ADARB2: variants seen among roughly 807,000 people sequenced by gnomAD.
ADARB2 encodes adenosine deaminase RNA specific B2 (inactive), also known as inactive double-stranded RNA-specific editase B2.
A neutral mutation model predicts 62.2 loss-of-function variants in ADARB2; 25 were observed. That is an observed-to-expected ratio of 0.40 (90% confidence interval 0.29 to 0.56). The LOEUF is 0.56. ADARB2 is among the 20% of genes least tolerant of loss of function. The probability of loss-of-function intolerance (pLI) is 0.43; values close to 1 mark genes in which losing one functional copy is unlikely to be tolerated. For synonymous variants in ADARB2, 572 were observed against 500.8 expected (o/e 1.14, Z -1.90); for missense variants, 1,071 against 1,077.4 (o/e 0.99, Z 0.08).
chr10:1,630,170 C>T (rs1469311505), intron 1 of ADARB2, among the ~76,000 whole-genome samples: 1 of 152,202 alleles, frequency 6.6e-6, no homozygotes, highest in Admixed American at 6.5e-5. Flanking sequence ...TTTCTTTATA[C>T]ATTTAGCAAA....
At chr10:1,598,375 C>T (rs1177198876) in intron 1 of ADARB2, among the ~76,000 whole-genome samples, 1 of 152,194 alleles carries the variant, frequency 6.6e-6, no homozygotes, top group African/African-American at 2.4e-5. Context: ...CACCACTATC[C>T]AATATATGCA....
intron 2 of ADARB2, among the ~76,000 whole-genome samples, chr10:1,373,660 A>C (rs1342985777): frequency 2.6e-5 from 4 of 152,186 alleles, no homozygotes; most frequent in Admixed American, 2.6e-4. Context: ...GCAGGATGGC[A>C]TGGTGGCCCT....
chr10:1,710,079 G>T (rs1227758715), intron 1 of ADARB2, among the ~76,000 whole-genome samples: 1 of 152,236 alleles, frequency 6.6e-6, no homozygotes, highest in African/African-American at 2.4e-5. Flanking sequence ...AAACTTCCAC[G>T]CCTCAAAACC....
chr10:1,211,543 C>G (rs1414094515), intron 7 of ADARB2, among the ~76,000 whole-genome samples: 1 of 152,192 alleles, frequency 6.6e-6, no homozygotes, highest in Non-Finnish European at 1.5e-5. Context: ...GTGAGGGCCT[C>G]CCGGGTTCAG....
chr10:1,306,322 C>G (rs372608607), intron 3 of ADARB2, among the ~76,000 whole-genome samples: 19 of 151,932 alleles, frequency 1.3e-4, no homozygotes, highest in African/African-American at 2.7e-4. Flanking sequence ...GCTTCAAAGA[C>G]AATAAAATAC....
At position 1,206,273 on chromosome 10, in the gene ADARB2, C is replaced by A. The variant is rs867892482; in HGVS notation, c.1683-6126G>T. ...CGGGTCCTAACGATTCCTCCTTAAG[C>A]CGGCTACCTGCGCGGGGGCCACGCT... On this transcript the variant is annotated intron_variant, in intron 7 of 9. Transcript: ENST00000381312. 1.2e-4 allele frequency among the ~76,000 whole-genome samples: 18 copies of A among 152,298 alleles called. No homozygotes were observed. In the South Asian group the frequency reaches 1.4e-3, roughly 12 times the overall value.
intron 8 of ADARB2, among the ~76,000 whole-genome samples, chr10:1,190,610 C>T (rs1052722695): frequency 2.0e-5 from 3 of 152,186 alleles, no homozygotes; most frequent in Non-Finnish European, 2.9e-5. Flanking sequence ...GGAGAGACCC[C>T]TTCTTGACTC....
chr10:1,363,545 C>A lies in ADARB2; in HGVS notation c.560G>T (p.Arg187Met). The change falls in exon 3 of 10, where the codon AGG (arginine) becomes ATG (methionine). Residue 187 changes from arginine (R) to methionine (M), a missense_variant. Arg to Met is a moderately conservative substitution (Grantham distance 91). Transcript: ENST00000381312. ...GGCGTTGGGGAACTGCACGAAGGACCTGAGTGCCAGCTCCGCCGCGCGCAT... is the reference window on the plus strand; with the variant it reads ...GGCGTTGGGGAACTGCACGAAGGACATGAGTGCCAGCTCCGCCGCGCGCAT... The part of the protein sequence containing the change: ...AKMRAAELAL[R>M]SFVQFPNACQ... The A allele has an allele frequency of 6.4e-7, 1 of 1,564,512 alleles. No homozygotes were observed. The highest frequency in any genetic ancestry group is 8.6e-7 in the Non-Finnish European group (1 of 1,157,186).
intron 1 of ADARB2, among the ~76,000 whole-genome samples, chr10:1,600,791 C>CT (rs1833402346): frequency 6.6e-6 from 1 of 151,608 alleles, no homozygotes; most frequent in African/African-American, 2.4e-5. Flanking sequence ...TGGCAGGGAA[C>CT]TTAACAACAG....
chr10:1,336,448 G>A (rs765450368), intron 3 of ADARB2, among the ~76,000 whole-genome samples: 4 of 152,152 alleles, frequency 2.6e-5, no homozygotes, highest in Non-Finnish European at 5.9e-5. Flanking sequence ...CAACACTTCT[G>A]AAGCATCATG....
At chr10:1,336,256 T>C (rs1269861614) in intron 3 of ADARB2, among the ~76,000 whole-genome samples, 1 of 152,266 alleles carries the variant, frequency 6.6e-6, no homozygotes, top group Non-Finnish European at 1.5e-5. Context: ...AGGAATGTAG[T>C]AGCACCTCCA....
At chr10:1,430,477 A>G (rs1399859044) in intron 1 of ADARB2, among the ~76,000 whole-genome samples, 1 of 152,256 alleles carries the variant, frequency 6.6e-6, no homozygotes, top group Non-Finnish European at 1.5e-5. Flanking sequence ...CCACAAAAAC[A>G]TGATTCAACA....
chr10:1,695,793 C>T (rs1385669111), intron 1 of ADARB2, among the ~76,000 whole-genome samples: 1 of 151,998 alleles, frequency 6.6e-6, no homozygotes, highest in Non-Finnish European at 1.5e-5. Context: ...CACATGGGTG[C>T]ATGTGTGTAT....
At chr10:1,198,390 ATC>A (rs774584812) in intron 8 of ADARB2, among the ~76,000 whole-genome samples, 13 of 152,142 alleles carry the variant, frequency 8.5e-5, no homozygotes, top group Middle Eastern at 3.4e-3. Flanking sequence ...CCTGTGCAAG[ATC>A]TCTCTCTCTC....
chr10:1,332,016 G>A (rs1030767616), intron 3 of ADARB2, among the ~76,000 whole-genome samples: 2 of 152,222 alleles, frequency 1.3e-5, no homozygotes, highest in African/African-American at 4.8e-5. Context: ...GCAACACTTG[G>A]CTTTGGTTGA....
chr10:1,332,013 T>G (rs1173174263), intron 3 of ADARB2, among the ~76,000 whole-genome samples: 1 of 152,254 alleles, frequency 6.6e-6, no homozygotes, highest in East Asian at 1.9e-4. Context: ...GCTGCAACAC[T>G]TGGCTTTGGT....
chr10:1,544,795 T>C (rs1832493286), intron 1 of ADARB2, among the ~76,000 whole-genome samples: 1 of 152,158 alleles, frequency 6.6e-6, no homozygotes, highest in South Asian at 2.1e-4. Context: ...CCACATAAAG[T>C]CTATATAACA....
chr10:1,664,823 G>A (rs147598015), intron 1 of ADARB2, among the ~76,000 whole-genome samples: 2,106 of 152,284 alleles, frequency 0.014, 31 homozygotes, highest in African/African-American at 0.035. Flanking sequence ...CATCCTCATC[G>A]CTCTGTTGCC....
At chr10:1,406,378 C>T (rs867388379) in intron 1 of ADARB2, among the ~76,000 whole-genome samples, 2 of 152,206 alleles carry the variant, frequency 1.3e-5, no homozygotes, top group Non-Finnish European at 2.9e-5. Context: ...GCTCTAAAGC[C>T]GTGTGGGCTC....
Sources: allele counts gnomAD v4.1 joint callset (sites outside exome capture counted in the v4.1 genomes callset), GRCh38; gene constraint gnomAD v4.1.1; transcripts MANE v1.5; gene names NCBI Gene and HGNC (gene_info 2026-07-23, HGNC 2026-07-21).